WDR70: variants seen among roughly 807,000 people sequenced by gnomAD.
The protein encoded by WDR70 is WD repeat-containing protein 70.
In WDR70, 53 loss-of-function variants were observed where a neutral mutation model predicts 88.6. The ratio of observed to expected loss-of-function variants is 0.60; its 90% CI spans 0.48 to 0.75. The LOEUF (loss-of-function observed/expected upper bound fraction) is 0.75, where lower values mean the gene tolerates loss of function less well. Ranked by LOEUF, WDR70 falls within the 30% of genes least tolerant of loss-of-function variation. The pLI is 0.00. For synonymous variants in WDR70, 280 were observed against 270.0 expected (o/e 1.04, Z -0.36); for missense variants, 610 against 823.2 (o/e 0.74, Z 3.17).
chr5:37,518,680 CT>C (rs35818980), intron 9 of WDR70, among the ~76,000 whole-genome samples: 48,974 of 123,698 alleles, frequency 0.4, 9,150 homozygotes, highest in African/African-American at 0.55. Flanking sequence ...GCACAGATAT[CT>C]TTTTTTTTTT....
chr5:37,748,629 CT>C (rs1259453338), intron 17 of WDR70, among the ~76,000 whole-genome samples: 1 of 152,094 alleles, frequency 6.6e-6, no homozygotes, highest in Non-Finnish European at 1.5e-5. Flanking sequence ...TCTAATTAAA[CT>C]TAGAGAGCTT....
chr5:37,679,786 T>A (rs1746366795), intron 10 of WDR70, among the ~76,000 whole-genome samples: 1 of 152,212 alleles, frequency 6.6e-6, no homozygotes, highest in Non-Finnish European at 1.5e-5. Context: ...GACATTTAAG[T>A]CTGCAGAGCT....
chr5:37,702,842 C>A (rs1424572506), intron 12 of WDR70, 107 bp from the exon 13 acceptor site: 138 of 1,121,382 alleles, frequency 1.2e-4, no homozygotes, highest in Non-Finnish European at 1.7e-4. Context: ...ACTCATAAGC[C>A]CTATATAGGA....
At chr5:37,623,373 T>A (rs1311595322) in intron 10 of WDR70, among the ~76,000 whole-genome samples, 1 of 152,082 alleles carries the variant, frequency 6.6e-6, no homozygotes, top group African/African-American at 2.4e-5. Context: ...CTCAAACATA[T>A]AAAATCCATT....
At chr5:37,411,988 T>C (rs1182884159) in intron 5 of WDR70, among the ~76,000 whole-genome samples, 1 of 152,072 alleles carries the variant, frequency 6.6e-6, no homozygotes, top group Non-Finnish European at 1.5e-5. Context: ...TCTATAATGG[T>C]AATAAAATTG....
chr5:37,665,133 C>A (rs187017287), intron 10 of WDR70, among the ~76,000 whole-genome samples: 2 of 152,216 alleles, frequency 1.3e-5, no homozygotes, highest in Non-Finnish European at 2.9e-5. Context: ...GGCTTCTAAT[C>A]TATCTTTCCT....
At chr5:37,525,809 C>T (rs558168553) in intron 9 of WDR70, among the ~76,000 whole-genome samples, 13 of 152,104 alleles carry the variant, frequency 8.5e-5, no homozygotes, top group East Asian at 7.7e-4. Flanking sequence ...ATATCACCAC[C>T]GATCTCACAG....
At chr5:37,457,710 A>G (rs920250614) in intron 7 of WDR70, among the ~76,000 whole-genome samples, 27 of 152,336 alleles carry the variant, frequency 1.8e-4, no homozygotes, top group African/African-American at 6.3e-4. Context: ...TCCTTTAAAA[A>G]AATTCCACAG....
Position 37,727,063 on chromosome 5 carries a change from TA to T in WDR70, c.1877+22del, listed in dbSNP as rs1747992732. 1 of 1,594,724 alleles carries T rather than the reference TA, an allele frequency of 6.3e-7. No homozygotes were observed. Among genetic ancestry groups the T allele is most frequent in the South Asian group, 1.2e-5 (1 of 86,484 alleles). On this transcript the variant is annotated intron_variant, in intron 17 of 17. Coordinates refer to ENST00000265107, the MANE Select transcript of WDR70 (RefSeq NM_018034.4). The stretch of plus-strand genomic sequence containing the variant: ...TATTCCAAGTGAGAATATAGCTTTT[TA>T]AAACAGGAAAATTGTTATGTTTAAT...
intron 13 of WDR70, among the ~76,000 whole-genome samples, chr5:37,717,689 G>T (rs573694415): frequency 6.6e-6 from 1 of 152,204 alleles, no homozygotes; most frequent in Non-Finnish European, 1.5e-5. Context: ...TGACAAGTTA[G>T]CAGCGTGGCA....
intron 7 of WDR70, among the ~76,000 whole-genome samples, chr5:37,469,276 A>AG (rs1739256255): frequency 1.3e-5 from 2 of 152,024 alleles, no homozygotes; most frequent in Admixed American, 1.3e-4. Flanking sequence ...CTACCCGAAA[A>AG]GCATCCTGCT....
At chr5:37,710,439 G>C (rs1222061850) in intron 13 of WDR70, among the ~76,000 whole-genome samples, 1 of 152,040 alleles carries the variant, frequency 6.6e-6, no homozygotes, top group Non-Finnish European at 1.5e-5. Flanking sequence ...GTGGTTTCAA[G>C]AATGTCATAT....
Position 37,630,268 on chromosome 5 carries a change from G to A in WDR70, c.1092+25030G>A, listed in dbSNP as rs151020608. Among the ~76,000 whole-genome samples the A allele has an allele frequency of 1.8e-3, 269 of 152,286 alleles. 1 individual carries two copies. Among genetic ancestry groups the A allele is most frequent in the Non-Finnish European group, 2.6e-3 (175 of 68,020 alleles). Reference sequence around the variant, plus strand: ...GCTTGTAGTTGCTTGGCTAGACTAAGGCATGTCTGCTGGGGATGGCTCATA... The same window carrying A: ...GCTTGTAGTTGCTTGGCTAGACTAAAGCATGTCTGCTGGGGATGGCTCATA... On this transcript the variant is annotated intron_variant, in intron 10 of 17. Transcript: ENST00000265107.
intron 8 of WDR70, among the ~76,000 whole-genome samples, chr5:37,510,885 A>G (rs1208082689): frequency 1.3e-5 from 2 of 152,182 alleles, no homozygotes; most frequent in East Asian, 3.9e-4. Context: ...GAATTAGGTT[A>G]TGCATTTTTA....
At chr5:37,510,077 T>TC (rs549710643) in intron 8 of WDR70, among the ~76,000 whole-genome samples, 4,071 of 144,464 alleles carry the variant, frequency 0.028, 84 homozygotes, top group Non-Finnish European at 0.041. Context: ...AAACAAACAC[T>TC]CCCCCCCCCA....
intron 13 of WDR70, among the ~76,000 whole-genome samples, chr5:37,719,366 T>C (rs1399483369): frequency 7.6e-6 from 1 of 132,272 alleles, no homozygotes; most frequent in African/African-American, 3.1e-5. Context: ...CCCCAAAAAA[T>C]ACCCAAACTA....
chr5:37,409,277 G>A (rs1749449332), intron 5 of WDR70, among the ~76,000 whole-genome samples: 1 of 151,914 alleles, frequency 6.6e-6, no homozygotes, highest in Non-Finnish European at 1.5e-5. Context: ...GTTCTGCTGT[G>A]TAGTTATTCT....
intron 3 of WDR70, among the ~76,000 whole-genome samples, chr5:37,383,946 A>G (rs540537716): frequency 1.3e-5 from 2 of 152,308 alleles, no homozygotes; most frequent in East Asian, 1.9e-4. Flanking sequence ...CCATGTACCT[A>G]TCAATCAGAT....
At position 37,557,704 on chromosome 5, in the gene WDR70, A is replaced by G. The variant is rs534109871; in HGVS notation, c.917+41114A>G. Among the ~76,000 whole-genome samples the G allele has an allele frequency of 1.1e-4, 16 of 152,096 alleles. No individual in the cohort carries two copies. In the South Asian group the frequency reaches 3.1e-3, roughly 30 times the overall value. On this transcript the variant is annotated intron_variant, in intron 9 of 17. Coordinates refer to ENST00000265107, the MANE Select transcript of WDR70 (RefSeq NM_018034.4). ...GCTGAGTTTTTGGTAACTAGTTTCA[A>G]GTGTTAGGTATCTTCTAATAAGGAC...
Sources: gnomAD v4.1 joint callset for allele counts (sites outside exome capture counted in the v4.1 genomes callset) on GRCh38, gnomAD v4.1.1 for gene constraint, MANE v1.5 for transcripts, NCBI Gene and HGNC (gene_info 2026-07-23, HGNC 2026-07-21) for gene names.